B4GALT7: variants seen among roughly 807,000 people sequenced by gnomAD.
B4GALT7 encodes UDP-Gal:beta-GlcNAc beta-1,4-galactosyltransferase 7.
A neutral mutation model predicts 33.0 loss-of-function variants in B4GALT7; 30 were observed. That is an observed-to-expected ratio of 0.91 (90% CI 0.68 to 1.23). The LOEUF is 1.23. B4GALT7 is among the 50% of genes most tolerant of loss of function. The probability of loss-of-function intolerance (pLI) is 0.00; values close to 1 mark genes in which losing one functional copy is unlikely to be tolerated. For synonymous variants in B4GALT7, 213 were observed against 187.2 expected (o/e 1.14, Z -1.13); for missense variants, 507 against 450.8 (o/e 1.12, Z -1.13).
chr5:177,608,557 C>G lies in B4GALT7; in HGVS notation c.658C>G (p.Arg220Gly). ...GTGTCAGTGCAATGGGATGTCCAAC[C>G]GCTTCTGGGGCTGGGGCCGCGAGGA... ...HYRLCNGMSN[R>G]FWGWGREDDE... The change falls in exon 4 of 6, where the codon CGC becomes GGC. Residue 220 changes from arginine to glycine, a missense_variant. Arg to Gly is a moderately radical substitution (Grantham distance 125). Transcript: ENST00000029410. The surrounding 1 kb of genome is among the most constrained non-coding windows in gnomAD (Gnocchi z 4.1). 6.2e-7 allele frequency: 1 copy of G among 1,613,832 alleles called. No individual in the cohort carries two copies. The highest frequency in any genetic ancestry group is 8.5e-7 in the Non-Finnish European group (1 of 1,179,964).
In B4GALT7 at chr5:177,608,727, T is replaced by G; in HGVS notation, c.723+105T>G. 2 of 1,228,800 alleles carry G rather than the reference T, an allele frequency of 1.6e-6. No individual in the cohort carries two copies. The highest frequency in any genetic ancestry group is 2.3e-6 in the Non-Finnish European group (2 of 851,494). 76.1% of individuals were successfully genotyped at this position (1,228,800 alleles called of 1,614,324 possible). A position where few individuals can be genotyped will look rare whatever the true frequency, so the allele number is the denominator to read the frequency against. On this transcript the variant is annotated intron_variant, in intron 4 of 5. Coordinates refer to ENST00000029410, the MANE Select transcript of B4GALT7 (RefSeq NM_007255.3). The surrounding 1 kb of genome is among the most constrained non-coding windows in gnomAD (Gnocchi z 4.1). ...CCTGGGGTCTGGAGATGGCCCTGAT[T>G]CTGATCCCTGCCCTAACCCTGCCCT...
chr5:177,609,563 G>A lies in B4GALT7; in HGVS notation c.852G>A (p.Glu284=), dbSNP rs1356149136. 2 of 1,613,450 alleles carry A rather than the reference G, an allele frequency of 1.2e-6. No homozygotes were observed. The highest frequency in any genetic ancestry group is 2.7e-5 in the African/African-American group (2 of 74,926). The change falls in exon 6 of 6, where the codon GAG becomes GAA. Residue 284 remains glutamate, a synonymous_variant. Coordinates refer to ENST00000029410, the MANE Select transcript of B4GALT7 (RefSeq NM_007255.3). ...QKQEQFKVDR[E]GGLNTVKYHV... ...AGGAGCAGTTCAAGGTGGACAGGGA[G>A]GGAGGCCTGAACACTGTGAAGTACC...
intron 1 of B4GALT7, chr5:177,602,698 C>A: frequency 3.6e-6 from 1 of 277,904 alleles, no homozygotes; most frequent in Non-Finnish European, 5.5e-6. Flanking sequence ...GAACATGGGG[C>A]GAAGGCTTGG....
At chr5:177,604,035 A>G in intron 1 of B4GALT7, 144 bp from the exon 2 acceptor site, 1 of 1,202,706 alleles carries the variant, frequency 8.3e-7, no homozygotes, top group Non-Finnish European at 1.2e-6. Context: ...ATGAGCAGAA[A>G]CATTAAAGTT....
rs1767927641 is a variant in B4GALT7, at chr5:177,604,460, T to C, written c.332T>C (p.Phe111Ser). 1 of 1,613,840 alleles carries C rather than the reference T, an allele frequency of 6.2e-7. No individual in the cohort carries two copies. The highest frequency in any genetic ancestry group is 1.3e-5 in the African/African-American group (1 of 74,894). ...GAACGCTTCGAGGAGCTCCTGGTCT[T>C]CGTGCCCCACATGCGCCGCTTCCTG... ...FRERFEELLV[F>S]VPHMRRFLSR... Residue 111 changes from phenylalanine to serine, a missense_variant, in exon 2 of 6, where the codon TTC (phenylalanine) becomes TCC (serine). Physicochemically the swap from Phe to Ser is radical, Grantham distance 155. Coordinates refer to ENST00000029410, the MANE Select transcript of B4GALT7 (RefSeq NM_007255.3).
rs1205721014 is a variant in B4GALT7 at position 177,608,550 on chromosome 5, G to A, written c.651G>A (p.Met217Ile). ...SKQHYRLCNG[M>I]SNRFWGWGRE... ...TGTCTCTGTGTCAGTGCAATGGGAT[G>A]TCCAACCGCTTCTGGGGCTGGGGCC... is the stretch of plus-strand genomic sequence containing the variant. Residue 217 changes from methionine (M) to isoleucine (I), a missense_variant, in exon 4 of 6, where the codon ATG becomes ATA. Coordinates refer to ENST00000029410, the MANE Select transcript of B4GALT7 (RefSeq NM_007255.3). This position sits in a 1 kb window ranked among gnomAD's most constrained non-coding sequence, Gnocchi z 4.1. 2.4e-5 allele frequency: 38 copies of A among 1,613,620 alleles called. No individual in the cohort carries two copies. Among genetic ancestry groups the A allele is most frequent in the Non-Finnish European group, 3.2e-5 (38 of 1,179,890 alleles).
At chr5:177,604,668 G>A in intron 2 of B4GALT7, 127 bp downstream of exon 2, 1 of 1,264,908 alleles carries the variant, frequency 7.9e-7, no homozygotes. Flanking sequence ...CACTGGGTGT[G>A]ACAGGAACCT....
In B4GALT7 at chr5:177,600,596, CTG is replaced by C. The variant is rs1401327806; in HGVS notation, c.50+340_50+341del. Among the ~76,000 whole-genome samples, 13 of 152,032 alleles carry C rather than the reference CTG, an allele frequency of 8.6e-5. No individual in the cohort carries two copies. The East Asian group carries it at 2.5e-3, about 29-fold the overall frequency. On this transcript the variant is annotated intron_variant, in intron 1 of 5. Coordinates refer to ENST00000029410, the MANE Select transcript of B4GALT7 (RefSeq NM_007255.3). The surrounding 1 kb of genome is among the most constrained non-coding windows in gnomAD (Gnocchi z 4.4). Reference sequence around the variant, plus strand: ...TCTCTCGTTATGTGTTTCGTTGTGTCTGTGTTTCTCCACCAGCCTCCCTCTAT... The same window carrying C: ...TCTCTCGTTATGTGTTTCGTTGTGTCTGTTTCTCCACCAGCCTCCCTCTAT...
rs1259555733 is a variant in B4GALT7 at position 177,600,280 on chromosome 5, C to A, written c.50+20C>A. ...CGGCAGGTGAGCGGCGGCGGTGGGC[C>A]CGGGCCCCGTCCTCCCGGGCGCCGC... On this transcript the variant is annotated intron_variant, in intron 1 of 5. Coordinates refer to ENST00000029410, the MANE Select transcript of B4GALT7 (RefSeq NM_007255.3). The surrounding 1 kb of genome is among the most constrained non-coding windows in gnomAD (Gnocchi z 4.4). 6.9e-6 allele frequency: 9 copies of A among 1,310,760 alleles called. No individual in the cohort carries two copies. The highest frequency in any genetic ancestry group is 8.8e-6 in the Non-Finnish European group (9 of 1,026,944). The allele number at this position is 1,310,760 out of a possible 1,614,324, so 81.2% of individuals were successfully genotyped here.
At position 177,600,210 on chromosome 5, in the gene B4GALT7, G is replaced by T; in HGVS notation, c.-1G>T. 1 of 1,383,836 alleles carries T rather than the reference G, an allele frequency of 7.2e-7. No individual in the cohort carries two copies. The highest frequency in any genetic ancestry group is 1.6e-5 in the South Asian group (1 of 64,332). 85.7% of individuals were successfully genotyped at this position (1,383,836 alleles called of 1,614,324 possible). ...CCCATGCGCCGCCGCCTCTCCGCAC[G>T]ATGTTCCCCTCGCGGAGGAAAGCGG... On this transcript the variant is annotated 5_prime_UTR_variant, in exon 1 of 6. Transcript: ENST00000029410. This position sits in a 1 kb window ranked among gnomAD's most constrained non-coding sequence, Gnocchi z 4.4.
At chr5:177,602,900 T>C (rs1458537061) in intron 1 of B4GALT7, 2 of 703,128 alleles carry the variant, frequency 2.8e-6, no homozygotes, top group African/African-American at 4.0e-5. Flanking sequence ...TATTTATTTA[T>C]GAGATGGAGT....
intron 1 of B4GALT7, 104 bp from the exon 2 acceptor site, chr5:177,604,075 G>A: frequency 6.6e-7 from 1 of 1,520,336 alleles, no homozygotes; most frequent in Non-Finnish European, 9.0e-7. Context: ...GGTGCTTGGG[G>A]TAGACGAGTT....
rs1332491440 is a variant in B4GALT7, at chr5:177,600,162, C to T, written c.-49C>T. ...CGCCGCGTAGGCCCGGGAGGCCGGG[C>T]CGGCCGGGCTGCGAGCGCCTGCCCC... On this transcript the variant is annotated 5_prime_UTR_variant, in exon 1 of 6. Coordinates refer to ENST00000029410, the MANE Select transcript of B4GALT7 (RefSeq NM_007255.3). This position sits in a 1 kb window ranked among gnomAD's most constrained non-coding sequence, Gnocchi z 4.4. 3.3e-6 allele frequency: 4 copies of T among 1,226,310 alleles called. No individual in the cohort carries two copies. Among genetic ancestry groups the T allele is most frequent in the South Asian group, 6.6e-5 (2 of 30,278 alleles). The allele number at this position is 1,226,310 out of a possible 1,614,324, so 76.0% of individuals were successfully genotyped here.
chr5:177,608,999 C>G lies in B4GALT7; in HGVS notation c.813C>G (p.Ile271Met). Residue 271 changes from isoleucine (I) to methionine (M), a missense_variant, in exon 5 of 6, where the codon ATC becomes ATG. By Grantham distance (10) the Ile-to-Met change is conservative. Transcript: ENST00000029410. This position sits in a 1 kb window ranked among gnomAD's most constrained non-coding sequence, Gnocchi z 4.1. ...GGCGGAAGAGGGACCAGAAGCGCAT[C>G]GCAGCTCAAAAACAGGTGCTGGCAG... ...PAWRKRDQKR[I>M]AAQKQEQFKV... 6.2e-6 allele frequency: 10 copies of G among 1,611,912 alleles called. No homozygotes were observed. Among genetic ancestry groups the G allele is most frequent in the Non-Finnish European group, 8.5e-6 (10 of 1,179,888 alleles).
chr5:177,603,183 G>A (rs1767888630), intron 1 of B4GALT7: 3 of 985,064 alleles, frequency 3.0e-6, no homozygotes, highest in Non-Finnish European at 3.6e-6. Context: ...GCCTGGCCAG[G>A]AGATAGAATT....
rs1474412009 is a variant in B4GALT7 at position 177,607,116 on chromosome 5, T to A, written c.414-186T>A. The A allele has an allele frequency of 7.6e-6, 5 of 660,602 alleles. No homozygotes were observed. In the East Asian group the frequency reaches 1.4e-4, roughly 18 times the overall value. 40.9% of individuals were successfully genotyped at this position (660,602 alleles called of 1,614,324 possible). A position where few individuals can be genotyped will look rare whatever the true frequency, so the allele number is the denominator to read the frequency against. Reference sequence around the variant, plus strand: ...ACTGCTGTACCTCCCGTGCTTTGAATGGTTTCTGGCACATAGTGGGTGCTT... The same window carrying A: ...ACTGCTGTACCTCCCGTGCTTTGAAAGGTTTCTGGCACATAGTGGGTGCTT... On this transcript the variant is annotated intron_variant, in intron 2 of 5. Coordinates refer to ENST00000029410, the MANE Select transcript of B4GALT7 (RefSeq NM_007255.3).
chr5:177,608,530 C>T lies in B4GALT7; in HGVS notation c.640-9C>T, dbSNP rs755700284. 1.2e-6 allele frequency: 2 copies of T among 1,609,420 alleles called. No individual in the cohort carries two copies. Among genetic ancestry groups the T allele is most frequent in the East Asian group, 2.2e-5 (1 of 44,862 alleles). Reference sequence around the variant, plus strand: ...ATGGGCCGAGTGACGCTGCTTGTCTCTGTGTCAGTGCAATGGGATGTCCAA... The same window carrying T: ...ATGGGCCGAGTGACGCTGCTTGTCTTTGTGTCAGTGCAATGGGATGTCCAA... On this transcript the variant is annotated splice_polypyrimidine_tract_variant and intron_variant, in intron 3 of 5. Transcript: ENST00000029410. The surrounding 1 kb of genome is among the most constrained non-coding windows in gnomAD (Gnocchi z 4.1).
intron 2 of B4GALT7, chr5:177,605,107 C>A (rs1449115171): frequency 2.2e-6 from 1 of 448,278 alleles, no homozygotes; most frequent in African/African-American, 2.0e-5. Context: ...CTTTTCAAGT[C>A]CCCTTGATCC....
Position 177,608,852 on chromosome 5 carries a change from G to T in B4GALT7, c.724-58G>T. The T allele has an allele frequency of 2.0e-6, 3 of 1,466,382 alleles. No homozygotes were observed. The highest frequency in any genetic ancestry group is 2.3e-5 in the South Asian group (2 of 87,852). 90.8% of individuals were successfully genotyped at this position (1,466,382 alleles called of 1,614,324 possible). A position where few individuals can be genotyped will look rare whatever the true frequency, so the allele number is the denominator to read the frequency against. ...TCCTGTGGGACCTCGGGAGCTGGTG[G>T]TGAGGGCTGGGGCTCCAGGAAGGGC... On this transcript the variant is annotated intron_variant, in intron 4 of 5. Transcript: ENST00000029410. This position sits in a 1 kb window ranked among gnomAD's most constrained non-coding sequence, Gnocchi z 4.1.
Sources: allele counts gnomAD v4.1 joint callset (sites outside exome capture counted in the v4.1 genomes callset), GRCh38; gene constraint gnomAD v4.1.1; non-coding constraint Gnocchi (gnomAD v3.1); transcripts MANE v1.5; gene names NCBI Gene and HGNC (gene_info 2026-07-23, HGNC 2026-07-21).